Variants in PRKCB observed in about 807,000 individuals in gnomAD.
PRKCB encodes the protein protein kinase C beta, also known as protein kinase C beta type.
In PRKCB, 13 loss-of-function variants were observed where a neutral mutation model predicts 81.5. The ratio of observed to expected loss-of-function variants is 0.16; its 90% confidence interval spans 0.10 to 0.25. The LOEUF (loss-of-function observed/expected upper bound fraction) is 0.25, where lower values mean the gene tolerates loss of function less well. PRKCB is among the 10% of genes least tolerant of loss of function. The probability of loss-of-function intolerance (pLI) is 1.00; values close to 1 mark genes in which losing one functional copy is unlikely to be tolerated. For missense variants in PRKCB, 509 were observed against 875.7 expected (o/e 0.58, Z 5.29); for synonymous variants, 335 against 321.4 (o/e 1.04, Z -0.45).
chr16:23,882,000 T>TTC lies in PRKCB; in HGVS notation c.205+44596_205+44597dup, dbSNP rs1259357213. On this transcript the variant is annotated intron_variant, in intron 2 of 16. Coordinates refer to ENST00000643927, the MANE Select transcript of PRKCB (RefSeq NM_002738.7). ...TTTCTTTCTTTCTTTCTTTCTTTCT[T>TTC]TCTTTCTTTCTTTCTTTCTTTCTTC... Among the ~76,000 whole-genome samples the TTC allele has an allele frequency of 4.8e-3, 391 of 81,694 alleles. 7 individuals are homozygous for TTC. The highest frequency in any genetic ancestry group is 0.014 in the Middle Eastern group (3 of 214). The allele number at this position is 81,694 out of a possible 152,430, so 53.6% of individuals were successfully genotyped here. A position where few individuals can be genotyped will look rare whatever the true frequency, so the allele number is the denominator to read the frequency against.
At chr16:24,108,925 G>A (rs1460384916) in intron 7 of PRKCB, among the ~76,000 whole-genome samples, 1 of 150,862 alleles carries the variant, frequency 6.6e-6, no homozygotes, top group African/African-American at 2.4e-5. Context: ...CCCAGTAGGG[G>A]CGGCCGGGCA....
At chr16:23,849,054 C>G (rs116324999) in intron 2 of PRKCB, among the ~76,000 whole-genome samples, 1,793 of 152,228 alleles carry the variant, frequency 0.012, 16 homozygotes, top group Non-Finnish European at 0.015. Flanking sequence ...TTGGTTGGGG[C>G]CGGAGAGGTG....
Position 24,219,214 on chromosome 16 carries a change from C to T in PRKCB, c.*4398C>T, listed in dbSNP as rs1457039466. ...ACTGAACAAAAAAAGAAATGCCAGA[C>T]TTACTAGGAGAATCGAGTTGCTTTG... On this transcript the variant is annotated 3_prime_UTR_variant, in exon 17 of 17. Coordinates refer to ENST00000643927, the MANE Select transcript of PRKCB (RefSeq NM_002738.7). 5.1e-6 allele frequency: 5 copies of T among 982,728 alleles called. No individual in the cohort carries two copies. The highest frequency in any genetic ancestry group is 4.8e-6 in the Non-Finnish European group (4 of 829,686). 60.9% of individuals were successfully genotyped at this position (982,728 alleles called of 1,614,324 possible). A position where few individuals can be genotyped will look rare whatever the true frequency, so the allele number is the denominator to read the frequency against.
intron 2 of PRKCB, among the ~76,000 whole-genome samples, chr16:23,867,577 G>A (rs189422419): frequency 1.4e-4 from 21 of 152,122 alleles, no homozygotes; most frequent in South Asian, 8.3e-4. Context: ...TCCTTTGCTC[G>A]TTGTTTGTGT....
rs1967785389 is a variant in PRKCB, at chr16:24,191,110, C to G, written c.1743C>G (p.Gly581=). Residue 581 remains glycine (G), a synonymous_variant, in exon 16 of 17, where the codon GGC becomes GGG. Transcript: ENST00000643927. The part of the protein sequence containing the change: ...ICKGLMTKHP[G]KRLGCGPEGE... ...CGAAGCTGATGACCAAACACCCAGGCAAACGTCTGGGTTGTGGACCTGAAG... is the reference window on the plus strand; with the variant it reads ...CGAAGCTGATGACCAAACACCCAGGGAAACGTCTGGGTTGTGGACCTGAAG... 2 of 1,613,904 alleles carry G rather than the reference C, an allele frequency of 1.2e-6. No homozygotes were observed. Among genetic ancestry groups the G allele is most frequent in the Non-Finnish European group, 1.7e-6 (2 of 1,179,912 alleles).
At position 24,218,331 on chromosome 16, in the gene PRKCB, G is replaced by A. The variant is rs138780084; in HGVS notation, c.*3515G>A. The A allele has an allele frequency of 2.0e-4, 201 of 985,278 alleles. No individual in the cohort carries two copies. Among genetic ancestry groups the A allele is most frequent in the Non-Finnish European group, 2.3e-4 (193 of 829,922 alleles). 61.0% of individuals were successfully genotyped at this position (985,278 alleles called of 1,614,324 possible). A position where few individuals can be genotyped will look rare whatever the true frequency, so the allele number is the denominator to read the frequency against. On this transcript the variant is annotated 3_prime_UTR_variant, in exon 17 of 17. Transcript: ENST00000643927. ...GAACACCGGAAGTAACATGCCGAGC[G>A]CCTGGGGGATGGAAACTCCTATAGC...
chr16:24,026,568 A>G (rs1172536015), intron 3 of PRKCB, among the ~76,000 whole-genome samples: 1 of 152,114 alleles, frequency 6.6e-6, no homozygotes, highest in Non-Finnish European at 1.5e-5. Flanking sequence ...GCCTTGAGGA[A>G]CTCCTTTCTT....
intron 10 of PRKCB, among the ~76,000 whole-genome samples, chr16:24,164,472 G>A (rs1336156749): frequency 6.6e-6 from 1 of 152,188 alleles, no homozygotes; most frequent in Non-Finnish European, 1.5e-5. Context: ...GTGTAATGAA[G>A]AATCACAATA....
intron 7 of PRKCB, among the ~76,000 whole-genome samples, chr16:24,110,317 T>C (rs1449304846): frequency 1.3e-5 from 2 of 151,360 alleles, no homozygotes; most frequent in Non-Finnish European, 2.9e-5. Context: ...GTTCAAGCGA[T>C]TCTCCTGTCT....
chr16:23,836,293 A>G lies in PRKCB; in HGVS notation c.118A>G (p.Thr40Ala). 6.2e-7 allele frequency: 1 copy of G among 1,604,856 alleles called. No homozygotes were observed. The highest frequency in any genetic ancestry group is 8.5e-7 in the Non-Finnish European group (1 of 1,176,056). ...GCATGAGGTCAAGAACCACAAATTCACCGCCCGCTTCTTCAAGCAGCCCAC... is the reference window on the plus strand; with the variant it reads ...GCATGAGGTCAAGAACCACAAATTCGCCGCCCGCTTCTTCAAGCAGCCCAC... ...NVHEVKNHKF[T>A]ARFFKQPTFC... The change falls in exon 1 of 17, where the codon ACC (threonine) becomes GCC (alanine). Residue 40 changes from threonine (T) to alanine (A), a missense_variant. Physicochemically the swap from Thr to Ala is moderately conservative, Grantham distance 58. Coordinates refer to ENST00000643927, the MANE Select transcript of PRKCB (RefSeq NM_002738.7).
intron 2 of PRKCB, among the ~76,000 whole-genome samples, chr16:23,916,015 G>A (rs867981517): frequency 6.6e-6 from 1 of 151,878 alleles, no homozygotes; most frequent in Middle Eastern, 3.4e-3. Context: ...ATGTCTTTCC[G>A]AGTTAAGAAA....
At chr16:24,143,684 G>T (rs1406649131) in intron 9 of PRKCB, among the ~76,000 whole-genome samples, 1 of 152,136 alleles carries the variant, frequency 6.6e-6, no homozygotes, top group Non-Finnish European at 1.5e-5. Flanking sequence ...ACTGTGTTGA[G>T]GTATAATTTA....
At chr16:24,082,617 T>A (rs1966264612) in intron 5 of PRKCB, among the ~76,000 whole-genome samples, 1 of 152,194 alleles carries the variant, frequency 6.6e-6, no homozygotes, top group Admixed American at 6.5e-5. Context: ...AAAAGGACGG[T>A]CTTTCAACAA....
At chr16:23,920,597 A>G (rs944943176) in intron 2 of PRKCB, among the ~76,000 whole-genome samples, 1 of 152,210 alleles carries the variant, frequency 6.6e-6, no homozygotes, top group Non-Finnish European at 1.5e-5. Flanking sequence ...GGCTGGTGTG[A>G]TAAGGGAAGG....
chr16:23,993,076 C>T (rs986809812), intron 3 of PRKCB, among the ~76,000 whole-genome samples: 7 of 152,078 alleles, frequency 4.6e-5, no homozygotes, highest in East Asian at 1.9e-4. Flanking sequence ...TTGTCAGCAC[C>T]GAATCCCACC....
chr16:23,957,286 T>C (rs1162929801), intron 2 of PRKCB, among the ~76,000 whole-genome samples: 1 of 152,224 alleles, frequency 6.6e-6, no homozygotes, highest in Non-Finnish European at 1.5e-5. Flanking sequence ...ATTGAGATTC[T>C]GCAATGTTTA....
At chr16:24,213,439 T>G (rs1185926031) in intron 16 of PRKCB, among the ~76,000 whole-genome samples, 1 of 152,124 alleles carries the variant, frequency 6.6e-6, no homozygotes, top group African/African-American at 2.4e-5. Context: ...AATTACATAG[T>G]CTCCGTGGTC....
chr16:23,948,337 TG>T (rs1964231801), intron 2 of PRKCB, among the ~76,000 whole-genome samples: 1 of 152,070 alleles, frequency 6.6e-6, no homozygotes, highest in South Asian at 2.1e-4. Context: ...CTGGTTAGAG[TG>T]GGCTTCCATG....
chr16:23,906,641 C>CT (rs970390873), intron 2 of PRKCB, among the ~76,000 whole-genome samples: 16 of 150,912 alleles, frequency 1.1e-4, no homozygotes, highest in African/African-American at 1.9e-4. Flanking sequence ...ACTTTAACTT[C>CT]TTTTTTTTTG....
Sources: gnomAD v4.1 joint callset for allele counts (sites outside exome capture counted in the v4.1 genomes callset) on GRCh38, gnomAD v4.1.1 for gene constraint, MANE v1.5 for transcripts, NCBI Gene and HGNC (gene_info 2026-07-23, HGNC 2026-07-21) for gene names.